MALRD1: variants seen among roughly 807,000 people sequenced by gnomAD.
MALRD1 encodes the protein MAM and LDL-receptor class A domain-containing protein 1.
MALRD1 carries 247 observed loss-of-function variants against 242.1 expected under a neutral mutation model. The observed-to-expected ratio is 1.02, with a 90% confidence interval of 0.92 to 1.13. The LOEUF is 1.13. Ranked by LOEUF, MALRD1 falls within the 50% of genes most tolerant of loss-of-function variation. The probability of loss-of-function intolerance (pLI) is 0.00; values close to 1 mark genes in which losing one functional copy is unlikely to be tolerated. For synonymous variants in MALRD1, 995 were observed against 866.6 expected (o/e 1.15, Z -2.60); for missense variants, 2,989 against 2,533.1 (o/e 1.18, Z -3.86).
At chr10:19,191,904 A>G (rs1835991325) in intron 14 of MALRD1, among the ~76,000 whole-genome samples, 1 of 152,162 alleles carries the variant, frequency 6.6e-6, no homozygotes, top group African/African-American at 2.4e-5. Flanking sequence ...AGGCTGAGGC[A>G]GGAGAATTGC....
At chr10:19,240,422 A>AGT (rs1255100967) in intron 18 of MALRD1, among the ~76,000 whole-genome samples, 2 of 152,018 alleles carry the variant, frequency 1.3e-5, no homozygotes, top group African/African-American at 4.8e-5. Flanking sequence ...GTATATCTAG[A>AGT]AAGAACCTTA....
intron 38 of MALRD1, among the ~76,000 whole-genome samples, chr10:19,719,705 C>T (rs1163339489): frequency 6.6e-6 from 1 of 152,088 alleles, no homozygotes; most frequent in Non-Finnish European, 1.5e-5. Context: ...TGAACTTTTT[C>T]ACCCAAACAT....
At chr10:19,238,575 A>ATATACAT (rs1838602388) in intron 18 of MALRD1, among the ~76,000 whole-genome samples, 2 of 122,260 alleles carry the variant, frequency 1.6e-5, no homozygotes, top group African/African-American at 6.2e-5. Flanking sequence ...AATATACATA[A>ATATACAT]TGTATATTAT....
intron 19 of MALRD1, among the ~76,000 whole-genome samples, chr10:19,264,207 T>C (rs1324429238): frequency 6.6e-6 from 1 of 152,172 alleles, no homozygotes; most frequent in African/African-American, 2.4e-5. Context: ...TTTTAAGCCT[T>C]CATTCTGTTA....
Position 19,439,940 on chromosome 10 carries a change from C to T in MALRD1, c.4846-10367C>T, listed in dbSNP as rs896853364. Reference sequence around the variant, plus strand: ...CTTACATTTTGTTTATTACATTTTCCCCTTCTTTCTATGTCTTAAAGATCC... The same window carrying T: ...CTTACATTTTGTTTATTACATTTTCTCCTTCTTTCTATGTCTTAAAGATCC... On this transcript the variant is annotated intron_variant, in intron 28 of 39. Transcript: ENST00000454679. 5.3e-5 allele frequency among the ~76,000 whole-genome samples: 8 copies of T among 152,086 alleles called. No homozygotes were observed. In the Middle Eastern group the frequency reaches 0.01, roughly 194 times the overall value.
intron 14 of MALRD1, among the ~76,000 whole-genome samples, chr10:19,199,748 C>G (rs1482580026): frequency 6.6e-6 from 1 of 151,904 alleles, no homozygotes. Flanking sequence ...TTGCAGTGAG[C>G]TGAGATCGCA....
intron 36 of MALRD1, among the ~76,000 whole-genome samples, chr10:19,628,175 T>C (rs1839757257): frequency 6.6e-6 from 1 of 152,194 alleles, no homozygotes; most frequent in Non-Finnish European, 1.5e-5. Context: ...GTCCCTTTTA[T>C]ATATAGCTTG....
intron 36 of MALRD1, among the ~76,000 whole-genome samples, chr10:19,643,353 G>C (rs935306867): frequency 2.0e-4 from 30 of 152,304 alleles, no homozygotes; most frequent in African/African-American, 7.0e-4. Flanking sequence ...GGCTGAAGCA[G>C]TAGAATCGCT....
At chr10:19,256,295 A>G (rs1464865789) in intron 18 of MALRD1, among the ~76,000 whole-genome samples, 1 of 152,074 alleles carries the variant, frequency 6.6e-6, no homozygotes, top group Non-Finnish European at 1.5e-5. Context: ...CCAACTGTTC[A>G]CCCAACTCTA....
At chr10:19,189,856 A>T (rs1189007370) in intron 14 of MALRD1, among the ~76,000 whole-genome samples, 8 of 152,164 alleles carry the variant, frequency 5.3e-5, no homozygotes, top group Non-Finnish European at 1.5e-5. Flanking sequence ...CAGCTACATT[A>T]TACTCATTGG....
At chr10:19,521,549 A>C (rs1247521365) in intron 31 of MALRD1, among the ~76,000 whole-genome samples, 1 of 152,116 alleles carries the variant, frequency 6.6e-6, no homozygotes, top group Non-Finnish European at 1.5e-5. Context: ...TCTTCTGCAA[A>C]ATATTATTTC....
At chr10:19,559,495 T>C (rs1835869413) in intron 32 of MALRD1, among the ~76,000 whole-genome samples, 1 of 152,154 alleles carries the variant, frequency 6.6e-6, no homozygotes. Context: ...TTAATTGAAA[T>C]AGAATATTTT....
intron 36 of MALRD1, among the ~76,000 whole-genome samples, chr10:19,668,179 C>T (rs1220254857): frequency 2.0e-5 from 3 of 152,158 alleles, no homozygotes; most frequent in Non-Finnish European, 4.4e-5. Flanking sequence ...AAGAATTTCC[C>T]ATTTTCATAT....
chr10:19,149,119 T>TCTATCTAA (rs1833843669), intron 11 of MALRD1, among the ~76,000 whole-genome samples: 1 of 149,044 alleles, frequency 6.7e-6, no homozygotes, highest in Non-Finnish European at 1.5e-5. Flanking sequence ...TATCTATCTA[T>TCTATCTAA]CTATCTAACT....
intron 26 of MALRD1, among the ~76,000 whole-genome samples, chr10:19,372,320 G>A (rs1845413717): frequency 6.6e-6 from 1 of 151,786 alleles, no homozygotes; most frequent in Non-Finnish European, 1.5e-5. Context: ...ATAGGGCAAA[G>A]GTAAAATTGA....
intron 33 of MALRD1, among the ~76,000 whole-genome samples, chr10:19,592,755 A>ACGCGCGCGCG (rs1466692743): frequency 8.4e-6 from 1 of 119,378 alleles, no homozygotes; most frequent in African/African-American, 2.9e-5. Flanking sequence ...ACACACACAC[A>ACGCGCGCGCG]CACACACGCA....
Position 19,733,709 on chromosome 10 carries a change from TTA to T in MALRD1, c.6391-435_6391-434del, listed in dbSNP as rs749103036. On this transcript the variant is annotated intron_variant, in intron 39 of 39. Transcript: ENST00000454679. The stretch of plus-strand genomic sequence containing the variant: ...CCTATAGAATTTCCCACGTTTTATA[TTA>T]TATATATATATAATATATATAATTA... Among the ~76,000 whole-genome samples the T allele has an allele frequency of 7.5e-4, 111 of 147,420 alleles. 1 individual carries two copies. In the South Asian group the frequency reaches 0.012, roughly 16 times the overall value.
chr10:19,101,762 T>C (rs946945382), intron 4 of MALRD1, among the ~76,000 whole-genome samples: 17 of 136,084 alleles, frequency 1.2e-4, no homozygotes, highest in African/African-American at 4.5e-4. Context: ...TATATTATAA[T>C]ATGTATATTA....
chr10:19,456,804 C>T lies in MALRD1; in HGVS notation c.5029+6314C>T, dbSNP rs547119273. Among the ~76,000 whole-genome samples, 15 of 146,594 alleles carry T rather than the reference C, an allele frequency of 1.0e-4. No homozygotes were observed. The South Asian group carries it at 3.0e-3, about 29-fold the overall frequency. On this transcript the variant is annotated intron_variant, in intron 29 of 39. Coordinates refer to ENST00000454679, the MANE Select transcript of MALRD1 (RefSeq NM_001142308.3). ...ATTTATTTATTTTGAGACAGAGTCT[C>T]GCTCTGTCGCCAGGCTGGAGTGCAA...
Sources: allele counts gnomAD v4.1 joint callset (sites outside exome capture counted in the v4.1 genomes callset), GRCh38; gene constraint gnomAD v4.1.1; transcripts MANE v1.5; gene names NCBI Gene and HGNC (gene_info 2026-07-23, HGNC 2026-07-21).